Variants in NFIA observed in about 807,000 individuals in gnomAD.
The protein encoded by NFIA is nuclear factor I A, also known as nuclear factor 1 A-type.
In NFIA, 8 loss-of-function variants were observed where a neutral mutation model predicts 62.8. The observed-to-expected ratio is 0.13, with a 90% CI of 0.07 to 0.23. The LOEUF (loss-of-function observed/expected upper bound fraction) is 0.23. NFIA is among the 10% of genes least tolerant of loss of function. The pLI is 1.00. For synonymous variants in NFIA, 235 were observed against 238.1 expected (o/e 0.99, Z 0.12); for missense variants, 410 against 642.1 (o/e 0.64, Z 3.91).
At chr1:61,187,433 G>A (rs138799240) in intron 2 of NFIA, among the ~76,000 whole-genome samples, 15 of 152,232 alleles carry the variant, frequency 9.9e-5, no homozygotes, top group African/African-American at 3.4e-4. Flanking sequence ...TACTCTTCTC[G>A]TTTTATATTT....
chr1:61,352,968 A>T (rs1662634741), intron 5 of NFIA, among the ~76,000 whole-genome samples: 2 of 152,116 alleles, frequency 1.3e-5, no homozygotes, highest in African/African-American at 4.8e-5. Context: ...TGGAGGAAGG[A>T]TGGATGATGA....
intron 3 of NFIA, among the ~76,000 whole-genome samples, chr1:61,299,243 G>C (rs574073849): frequency 1.3e-5 from 2 of 152,098 alleles, no homozygotes; most frequent in Non-Finnish European, 2.9e-5. Flanking sequence ...TGCCATTCCA[G>C]CAATTTTGCA....
intron 10 of NFIA, among the ~76,000 whole-genome samples, chr1:61,442,809 C>T (rs903308189): frequency 1.3e-5 from 2 of 152,158 alleles, no homozygotes; most frequent in African/African-American, 4.8e-5. Flanking sequence ...CCAATCAGTC[C>T]TGGCTAAAGG....
At chr1:61,303,874 A>G (rs1386236301) in intron 3 of NFIA, among the ~76,000 whole-genome samples, 1 of 152,212 alleles carries the variant, frequency 6.6e-6, no homozygotes, top group Admixed American at 6.5e-5. Flanking sequence ...GGAACTGAGA[A>G]TAGGAGAAAC....
At chr1:61,077,346 A>G, upstream of NFIA, 3 of 353,632 alleles carry the variant, frequency 8.5e-6, no homozygotes, top group Non-Finnish European at 1.5e-5. Context: ...GATCGCTTTC[A>G]AAAGAGAGAG....
At chr1:61,213,652 A>T (rs1191706519) in intron 2 of NFIA, among the ~76,000 whole-genome samples, 2 of 152,136 alleles carry the variant, frequency 1.3e-5, no homozygotes, top group Admixed American at 1.3e-4. Context: ...AGTATTTATG[A>T]TTGCTTGAGT....
chr1:61,267,855 C>T (rs1009852036), intron 2 of NFIA, among the ~76,000 whole-genome samples: 5 of 152,158 alleles, frequency 3.3e-5, no homozygotes, highest in African/African-American at 9.7e-5. Context: ...GGGGAGGGAC[C>T]TTGCCTTTTT....
At chr1:61,417,272 T>TGC (rs1285409350) in intron 9 of NFIA, among the ~76,000 whole-genome samples, 1 of 148,224 alleles carries the variant, frequency 6.7e-6, no homozygotes, top group Admixed American at 6.9e-5. Context: ...TCTTTGTGTG[T>TGC]GTGTGTGTGT....
rs184915932 is a variant in NFIA at position 61,333,877 on chromosome 1, A to G, written c.700+1291A>G. Among the ~76,000 whole-genome samples, 28 of 152,216 alleles carry G rather than the reference A, an allele frequency of 1.8e-4. No homozygotes were observed. In the East Asian group the frequency reaches 5.0e-3, roughly 27 times the overall value. Reference sequence around the variant, plus strand: ...TAGCTGGGCATGGTGGTGCACGCCTATGGCCCCAGCTACTCAGGAGGCTGA... The same window carrying G: ...TAGCTGGGCATGGTGGTGCACGCCTGTGGCCCCAGCTACTCAGGAGGCTGA... On this transcript the variant is annotated intron_variant, in intron 4 of 10. Transcript: ENST00000403491.
intron 10 of NFIA, among the ~76,000 whole-genome samples, chr1:61,436,004 G>A (rs975708858): frequency 4.6e-5 from 7 of 152,082 alleles, no homozygotes; most frequent in African/African-American, 1.2e-4. Context: ...TTTCTTTTCA[G>A]CCTCTGTTTG....
chr1:61,352,132 G>T (rs1250755793), intron 4 of NFIA, among the ~76,000 whole-genome samples: 1 of 152,150 alleles, frequency 6.6e-6, no homozygotes. Context: ...TGTTTTGGCT[G>T]GTCATTCCAG....
intron 4 of NFIA, 124 bp from the exon 5 acceptor site, chr1:61,352,323 GATT>G (rs765394193): frequency 1.5e-6 from 1 of 647,204 alleles, no homozygotes; most frequent in Non-Finnish European, 2.7e-6. Flanking sequence ...GTTTATTACT[GATT>G]ATTTTCGATT....
At chr1:61,426,096 C>T (rs1029509949) in intron 9 of NFIA, among the ~76,000 whole-genome samples, 14 of 152,180 alleles carry the variant, frequency 9.2e-5, no homozygotes, top group African/African-American at 3.1e-4. Context: ...CCCCTTCCTA[C>T]CTAATTTCTT....
At chr1:61,159,376 A>G (rs11207699) in intron 2 of NFIA, among the ~76,000 whole-genome samples, 3,879 of 152,238 alleles carry the variant, frequency 0.025, 71 homozygotes, top group East Asian at 0.093. Flanking sequence ...ATGCTTTTCA[A>G]ACTTCAATGT....
At chr1:61,298,789 C>T (rs959816717) in intron 3 of NFIA, among the ~76,000 whole-genome samples, 2 of 152,152 alleles carry the variant, frequency 1.3e-5, no homozygotes, top group African/African-American at 4.8e-5. Flanking sequence ...GTAGAAACAA[C>T]TTAAAAAGAT....
At chr1:61,130,215 G>A (rs1462770630) in intron 2 of NFIA, among the ~76,000 whole-genome samples, 3 of 152,112 alleles carry the variant, frequency 2.0e-5, no homozygotes, top group Non-Finnish European at 4.4e-5. Flanking sequence ...AAAAAAACCA[G>A]GCTGTTTCCA....
chr1:61,441,329 G>GTGTC (rs1553122142), intron 10 of NFIA, among the ~76,000 whole-genome samples: 5 of 146,390 alleles, frequency 3.4e-5, no homozygotes, highest in Non-Finnish European at 7.5e-5. Flanking sequence ...GTGTGTGTGT[G>GTGTC]TGTGTCTGTC....
intron 2 of NFIA, among the ~76,000 whole-genome samples, chr1:61,090,789 G>A (rs1040574488): frequency 2.6e-5 from 4 of 152,166 alleles, no homozygotes; most frequent in Non-Finnish European, 4.4e-5. Context: ...TGGTTTTCAC[G>A]GGACCGCAGT....
At chr1:61,402,428 G>A (rs1018676976) in intron 7 of NFIA, among the ~76,000 whole-genome samples, 12 of 152,028 alleles carry the variant, frequency 7.9e-5, no homozygotes, top group South Asian at 2.1e-4. Flanking sequence ...TATGTTTAAC[G>A]GTATGATTAT....
Sources: gnomAD v4.1 joint callset for allele counts (sites outside exome capture counted in the v4.1 genomes callset) on GRCh38, gnomAD v4.1.1 for gene constraint, MANE v1.5 for transcripts, NCBI Gene and HGNC (gene_info 2026-07-23, HGNC 2026-07-21) for gene names.